CHD5: variants seen among roughly 807,000 people sequenced by gnomAD.
The protein encoded by CHD5 is chromodomain helicase DNA binding protein 5, also known as ATP-dependent chromatin remodeler CHD5.
Under a neutral mutation model 230.3 loss-of-function variants are expected in CHD5, and 69 were observed. The ratio of observed to expected loss-of-function variants is 0.30; its 90% CI spans 0.25 to 0.37. The LOEUF is 0.37. CHD5 is among the 10% of genes least tolerant of loss of function. The pLI is 1.00. For synonymous variants in CHD5, 1,064 were observed against 1,065.9 expected (o/e 1.00, Z 0.03); for missense variants, 1,827 against 2,622.8 (o/e 0.70, Z 6.63).
intron 2 of CHD5, among the ~76,000 whole-genome samples, chr1:6,163,291 C>T (rs1667205619): frequency 6.6e-6 from 1 of 152,222 alleles, no homozygotes; most frequent in Non-Finnish European, 1.5e-5. Context: ...TCCACCTGCA[C>T]TGGGGAAAGC....
chr1:6,157,530 C>T lies in CHD5; in HGVS notation c.387+1806G>A, dbSNP rs367777363. ...ACACATCCCTCTACTGCCTAGGCCC[C>T]GGAGCTGGGCTTCTGCTCCTGCAAC... On this transcript the variant is annotated intron_variant, in intron 3 of 41. Coordinates refer to ENST00000262450, the MANE Select transcript of CHD5 (RefSeq NM_015557.3). 6.6e-5 allele frequency among the ~76,000 whole-genome samples: 10 copies of T among 152,320 alleles called. No individual in the cohort carries two copies. The East Asian group carries it at 7.7e-4, about 12-fold the overall frequency.
chr1:6,132,747 T>G (rs577502380), intron 20 of CHD5, among the ~76,000 whole-genome samples: 3 of 152,360 alleles, frequency 2.0e-5, no homozygotes, highest in Non-Finnish European at 4.4e-5. Context: ...TGCATGTTTC[T>G]ATCCAATTGT....
chr1:6,143,042 C>T (rs1666853921), intron 13 of CHD5, among the ~76,000 whole-genome samples: 1 of 148,244 alleles, frequency 6.7e-6, no homozygotes, highest in South Asian at 2.2e-4. Flanking sequence ...CAGGCTCCTC[C>T]ACTGGATCCA....
rs770944641 is a variant in CHD5, at chr1:6,151,019, A to G, written c.994+13T>C. 16 of 1,535,332 alleles carry G rather than the reference A, an allele frequency of 1.0e-5. No individual in the cohort carries two copies. Among genetic ancestry groups the G allele is most frequent in the Non-Finnish European group, 1.3e-5 (15 of 1,132,608 alleles). On this transcript the variant is annotated intron_variant, in intron 7 of 41. Transcript: ENST00000262450. ...CCCAGCAGGCCAAGAACTCTCTGGAAGGGGAGTCATACTCCTCTTCTTCTT... is the reference window on the plus strand; with the variant it reads ...CCCAGCAGGCCAAGAACTCTCTGGAGGGGGAGTCATACTCCTCTTCTTCTT...
Position 6,134,970 on chromosome 1 carries a change from G to C in CHD5, c.2871-111C>G. Reference sequence around the variant, plus strand: ...GTGGCCAAGCACCCATTTACAGAGAGACCCAAGGGACCCCCAAGAGGTGAA... The same window carrying C: ...GTGGCCAAGCACCCATTTACAGAGACACCCAAGGGACCCCCAAGAGGTGAA... On this transcript the variant is annotated intron_variant, in intron 18 of 41. Transcript: ENST00000262450. The surrounding 1 kb of genome is among the most constrained non-coding windows in gnomAD (Gnocchi z 6.3). 3.0e-6 allele frequency: 4 copies of C among 1,352,240 alleles called. No homozygotes were observed. In the South Asian group the frequency reaches 3.9e-5, roughly 13 times the overall value. 83.8% of individuals were successfully genotyped at this position (1,352,240 alleles called of 1,614,324 possible).
chr1:6,147,397 C>A (rs1297360273), intron 9 of CHD5, among the ~76,000 whole-genome samples: 1 of 152,202 alleles, frequency 6.6e-6, no homozygotes, highest in East Asian at 1.9e-4. Flanking sequence ...AGGCACCGTG[C>A]GTCTAGGCTG....
At position 6,131,655 on chromosome 1, in the gene CHD5, G is replaced by A. The variant is rs754139925; in HGVS notation, c.3238C>T (p.Gln1080Ter). The A allele has an allele frequency of 6.2e-7, 1 of 1,610,400 alleles. No individual in the cohort carries two copies. The highest frequency in any genetic ancestry group is 8.5e-7 in the Non-Finnish European group (1 of 1,176,730). Residue 1080 changes from glutamine (Q) to a stop codon, truncating the protein, a stop_gained, in exon 21 of 42, where the codon CAG (glutamine) becomes TAG (stop). Coordinates refer to ENST00000262450, the MANE Select transcript of CHD5 (RefSeq NM_015557.3). LOFTEE classifies it high-confidence loss of function. The surrounding 1 kb of genome is among the most constrained non-coding windows in gnomAD (Gnocchi z 5.0). Reference sequence around the variant, plus strand: ...CCATTGAATCTGTCGATTGCCTCCTGCCGGAGGCCCCCGGTGATGCCACCA... The same window carrying A: ...CCATTGAATCTGTCGATTGCCTCCTACCGGAGGCCCCCGGTGATGCCACCA... ...IDGGITGGLR[Q>*]EAIDRFNAPG...
intron 38 of CHD5, among the ~76,000 whole-genome samples, chr1:6,107,063 A>T (rs1666188708): frequency 8.9e-6 from 1 of 112,438 alleles, no homozygotes; most frequent in Non-Finnish European, 1.8e-5. Flanking sequence ...TGATGGAGCG[A>T]TGGAAGGATG....
Position 6,134,023 on chromosome 1 carries a change from C to A in CHD5, c.3144+105G>T. On this transcript the variant is annotated intron_variant, in intron 20 of 41. Coordinates refer to ENST00000262450, the MANE Select transcript of CHD5 (RefSeq NM_015557.3). This position sits in a 1 kb window ranked among gnomAD's most constrained non-coding sequence, Gnocchi z 6.3. Reference sequence around the variant, plus strand: ...AGTCACATGACCCACATGGGAACGGCACTGGGCCCTGAGGGGTGCCAGCAA... The same window carrying A: ...AGTCACATGACCCACATGGGAACGGAACTGGGCCCTGAGGGGTGCCAGCAA... 1 of 1,132,664 alleles carries A rather than the reference C, an allele frequency of 8.8e-7. No homozygotes were observed. The allele number at this position is 1,132,664 out of a possible 1,614,324, so 70.2% of individuals were successfully genotyped here.
At position 6,146,174 on chromosome 1, in the gene CHD5, C is replaced by A. The variant is rs758351559; in HGVS notation, c.1802+38G>T. The A allele has an allele frequency of 1.0e-5, 16 of 1,603,032 alleles. No homozygotes were observed. The highest frequency in any genetic ancestry group is 1.3e-5 in the Non-Finnish European group (15 of 1,171,808). ...GGCAAAGAAGCTGACGTGGCCCGGC[C>A]CCAGCGATGGGCAGGGTGGCCGCCT... On this transcript the variant is annotated intron_variant, in intron 11 of 41. Coordinates refer to ENST00000262450, the MANE Select transcript of CHD5 (RefSeq NM_015557.3). The surrounding 1 kb of genome is among the most constrained non-coding windows in gnomAD (Gnocchi z 5.1).
chr1:6,165,285 G>A (rs888801762), intron 2 of CHD5, among the ~76,000 whole-genome samples: 6 of 152,164 alleles, frequency 3.9e-5, no homozygotes, highest in African/African-American at 1.2e-4. Flanking sequence ...CCCAGGAGAC[G>A]GGAGGGGAGC....
rs1253698140 is a variant in CHD5, at chr1:6,128,871, C to T, written c.3586G>A (p.Gly1196Ser). 1 of 1,612,884 alleles carries T rather than the reference C, an allele frequency of 6.2e-7. No homozygotes were observed. Among genetic ancestry groups the T allele is most frequent in the Non-Finnish European group, 8.5e-7 (1 of 1,179,668 alleles). The change falls in exon 23 of 42, where the codon GGC (glycine) becomes AGC (serine). Residue 1196 changes from glycine to serine, a missense_variant. Coordinates refer to ENST00000262450, the MANE Select transcript of CHD5 (RefSeq NM_015557.3). The surrounding 1 kb of genome is among the most constrained non-coding windows in gnomAD (Gnocchi z 7.8). ...KQELDDILKF[G>S]TEELFKDDVE... Reference sequence around the variant, plus strand: ...TCGTCCTTGAAGAGTTCCTCCGTGCCGAACTTGAGGATGTCGTCCAGCTCC... The same window carrying T: ...TCGTCCTTGAAGAGTTCCTCCGTGCTGAACTTGAGGATGTCGTCCAGCTCC...
At chr1:6,164,057 G>A (rs936560482) in intron 2 of CHD5, among the ~76,000 whole-genome samples, 2 of 152,236 alleles carry the variant, frequency 1.3e-5, no homozygotes, top group Non-Finnish European at 2.9e-5. Context: ...CCACCCTGCT[G>A]AGGGCACAGC....
chr1:6,144,533 GTT>G (rs1311496570), intron 11 of CHD5, among the ~76,000 whole-genome samples: 1 of 152,248 alleles, frequency 6.6e-6, no homozygotes, highest in Non-Finnish European at 1.5e-5. Flanking sequence ...AATGGACTCA[GTT>G]TTCTAACTTA....
Position 6,131,526 on chromosome 1 carries a change from G to C in CHD5, c.3262+105C>G. 1.5e-6 allele frequency: 1 copy of C among 677,484 alleles called. No homozygotes were observed. The highest frequency in any genetic ancestry group is 1.8e-5 in the South Asian group (1 of 54,988). The allele number at this position is 677,484 out of a possible 1,614,324, so 42.0% of individuals were successfully genotyped here. ...GCCTGCTGTCTTTAGCTGTTTGTGA[G>C]GCTGCTCAACACAACACCAGCTGGG... On this transcript the variant is annotated intron_variant, in intron 21 of 41. Transcript: ENST00000262450. The surrounding 1 kb of genome is among the most constrained non-coding windows in gnomAD (Gnocchi z 5.0).
intron 1 of CHD5, among the ~76,000 whole-genome samples, chr1:6,176,981 C>T (rs1667437695): frequency 6.6e-6 from 1 of 152,342 alleles, no homozygotes; most frequent in East Asian, 1.9e-4. Flanking sequence ...AGACACCTGC[C>T]TCAATGCCAG....
chr1:6,110,042 T>C (rs1201126963), intron 37 of CHD5, 52 bp from the exon 38 acceptor site: 2 of 1,430,802 alleles, frequency 1.4e-6, no homozygotes, highest in Non-Finnish European at 1.9e-6. Context: ...ATGGCTACCC[T>C]CCGTGCTCCA....
chr1:6,103,723 G>A lies in CHD5; in HGVS notation c.*1751C>T, dbSNP rs1390298889. ...CACTACGCCCACGTGCAGTGTCAGG[G>A]TCGGGCTGGCCTTGCAGACCTGGAT... On this transcript the variant is annotated 3_prime_UTR_variant, in exon 42 of 42. Coordinates refer to ENST00000262450, the MANE Select transcript of CHD5 (RefSeq NM_015557.3). 6.6e-6 allele frequency: 1 copy of A among 152,284 alleles called. No homozygotes were observed. Among genetic ancestry groups the A allele is most frequent in the African/African-American group, 2.4e-5 (1 of 41,454 alleles). The allele number at this position is 152,284 out of a possible 1,614,324, so 9.4% of individuals were successfully genotyped here.
At chr1:6,168,330 C>A (rs114080510) in intron 1 of CHD5, 53 bp from the exon 2 acceptor site, 45 of 1,538,798 alleles carry the variant, frequency 2.9e-5, no homozygotes, top group Non-Finnish European at 3.9e-5. Flanking sequence ...TCCAGGAGAG[C>A]CCTGGAGACA....
Sources: gnomAD v4.1 joint callset for allele counts (sites outside exome capture counted in the v4.1 genomes callset) on GRCh38, gnomAD v4.1.1 for gene constraint, Gnocchi (gnomAD v3.1) non-coding constraint, MANE v1.5 for transcripts, NCBI Gene and HGNC (gene_info 2026-07-23, HGNC 2026-07-21) for gene names.